The following C2CD3 variants were observed in gnomAD, a reference collection of about 807,000 sequenced individuals.
The protein encoded by C2CD3 is C2 domain-containing protein 3.
Under a neutral mutation model 234.0 loss-of-function variants are expected in C2CD3, and 148 were observed. The ratio of observed to expected loss-of-function variants is 0.63; its 90% confidence interval spans 0.55 to 0.72. The LOEUF (loss-of-function observed/expected upper bound fraction) is 0.72, where lower values mean the gene tolerates loss of function less well. C2CD3 is among the 30% of genes least tolerant of loss of function. The probability of loss-of-function intolerance (pLI) is 0.00; values close to 1 mark genes in which losing one functional copy is unlikely to be tolerated. For missense variants in C2CD3, 2,577 were observed against 2,811.5 expected, an observed-to-expected ratio of 0.92 and a Z score of 1.89; for synonymous variants, 1,000 against 1,035.4, an observed-to-expected ratio of 0.97 and a Z score of 0.66.
At chr11:74,081,594 T>C (rs1488834059) in intron 22 of C2CD3, among the ~76,000 whole-genome samples, 1 of 144,996 alleles carries the variant, frequency 6.9e-6, no homozygotes, top group Non-Finnish European at 1.5e-5. Flanking sequence ...TAATGGATAT[T>C]GCCATATTCT....
intron 11 of C2CD3, among the ~76,000 whole-genome samples, chr11:74,109,972 T>G (rs1038774036): frequency 2.0e-5 from 3 of 146,392 alleles, no homozygotes; most frequent in African/African-American, 7.9e-5. Context: ...TCCCAGCTAC[T>G]TGGGAGGCTA....
chr11:74,033,320 C>A (rs1344720056), intron 31 of C2CD3, 31 bp downstream of exon 31: 1 of 1,527,376 alleles, frequency 6.5e-7, no homozygotes, highest in East Asian at 2.5e-5. Context: ...TACCTGCATC[C>A]AAACCACTTG....
At position 74,019,324 on chromosome 11, in the gene C2CD3, GC is replaced by G. The variant is rs60384198; in HGVS notation, c.6922-5800del. Among the ~76,000 whole-genome samples the G allele has an allele frequency of 3.4e-3, 517 of 152,302 alleles. 4 individuals carry two copies. The highest frequency in any genetic ancestry group is 0.012 in the African/African-American group (490 of 41,548). On this transcript the variant is annotated intron_variant, in intron 32 of 32. Coordinates refer to ENST00000334126, the MANE Select transcript of C2CD3 (RefSeq NM_001286577.2). ...TGCAGTCTGGGCCAGGGTGGCGCCA[GC>G]CAATTTTGGCTGTTTCTCCTGACCT...
intron 22 of C2CD3, 103 bp from the exon 23 acceptor site, chr11:74,078,820 C>A (rs1211319148): frequency 3.4e-5 from 38 of 1,119,454 alleles, no homozygotes; most frequent in Non-Finnish European, 4.7e-5. Flanking sequence ...TGGCTCAAGA[C>A]AGAACAGAAA....
chr11:74,151,145 C>T (rs183854810), intron 3 of C2CD3, among the ~76,000 whole-genome samples: 3 of 152,060 alleles, frequency 2.0e-5, no homozygotes, highest in Non-Finnish European at 4.4e-5. Context: ...AGGCTGATCT[C>T]GAACTCCTGA....
intron 7 of C2CD3, among the ~76,000 whole-genome samples, chr11:74,132,419 T>C (rs954019414): frequency 6.6e-6 from 1 of 152,218 alleles, no homozygotes; most frequent in Non-Finnish European, 1.5e-5. Flanking sequence ...CTCCTCTATA[T>C]ACATCATTTT....
At chr11:74,072,679 A>G (rs1216833991) in intron 24 of C2CD3, among the ~76,000 whole-genome samples, 1 of 151,680 alleles carries the variant, frequency 6.6e-6, no homozygotes, top group East Asian at 1.9e-4. Context: ...TATTCCTACT[A>G]GAATGTAATC....
intron 32 of C2CD3, among the ~76,000 whole-genome samples, chr11:74,025,129 CA>C (rs1952237364): frequency 6.6e-6 from 1 of 151,810 alleles, no homozygotes; most frequent in Admixed American, 6.6e-5. Context: ...TTTAATAGAC[CA>C]AAGACATACA....
At chr11:74,112,153 T>C (rs1956773791) in intron 11 of C2CD3, among the ~76,000 whole-genome samples, 2 of 152,190 alleles carry the variant, frequency 1.3e-5, no homozygotes, top group Non-Finnish European at 2.9e-5. Flanking sequence ...CGTGTTACTA[T>C]GCTGTAAAGG....
intron 3 of C2CD3, 22 bp from the exon 4 acceptor site, chr11:74,139,850 T>A: frequency 1.4e-6 from 2 of 1,462,872 alleles, no homozygotes; most frequent in Non-Finnish European, 1.9e-6. Flanking sequence ...AGGTAGTATA[T>A]GAGAAATTTT....
chr11:74,145,927 C>T (rs1392067369), intron 3 of C2CD3, among the ~76,000 whole-genome samples: 2 of 152,136 alleles, frequency 1.3e-5, no homozygotes, highest in South Asian at 2.1e-4. Context: ...AAATAAAATG[C>T]TTTAAATTTG....
chr11:74,016,096 G>A (rs1363502631), intron 32 of C2CD3, among the ~76,000 whole-genome samples: 1 of 151,996 alleles, frequency 6.6e-6, no homozygotes, highest in Non-Finnish European at 1.5e-5. Context: ...CACCTCTGTT[G>A]GTGACTCATC....
At chr11:74,108,911 T>C (rs543296639) in intron 12 of C2CD3, 123 bp downstream of exon 12, 20 of 464,800 alleles carry the variant, frequency 4.3e-5, no homozygotes, top group Middle Eastern at 6.1e-4. Context: ...ATAATAATAA[T>C]AACAATGGAT....
intron 3 of C2CD3, among the ~76,000 whole-genome samples, chr11:74,144,458 T>A (rs1030698568): frequency 3.9e-5 from 6 of 152,138 alleles, no homozygotes; most frequent in African/African-American, 7.2e-5. Flanking sequence ...TTTAAAAAAA[T>A]TTTAATTTTA....
At chr11:74,046,068 C>T (rs1953358889) in intron 28 of C2CD3, among the ~76,000 whole-genome samples, 1 of 152,104 alleles carries the variant, frequency 6.6e-6, no homozygotes, top group Admixed American at 6.5e-5. Flanking sequence ...AGAACCACTG[C>T]TTTATTAATG....
In C2CD3 at chr11:74,100,715, T is replaced by C. The variant is rs368927535; in HGVS notation, c.2581-39A>G. The C allele has an allele frequency of 8.5e-6, 13 of 1,527,526 alleles. 1 individual carries two copies. Among genetic ancestry groups the C allele is most frequent in the Non-Finnish European group, 1.1e-5 (12 of 1,123,776 alleles). 94.6% of individuals were successfully genotyped at this position (1,527,526 alleles called of 1,614,324 possible). ...ACAACCAAAACAAACAAAAAACTCA[T>C]ACCTGAGACAAATATTAATTTATAC... On this transcript the variant is annotated intron_variant, in intron 14 of 32. Transcript: ENST00000334126.
Position 74,033,455 on chromosome 11 carries a change from C to A in C2CD3, c.6705G>T (p.Gln2235His). ...FKKLPLNLAS[Q>H]SRRENHKGPP... is the part of the protein sequence containing the mutation. The stretch of plus-strand genomic sequence containing the variant: ...GTCCCTTATGGTTTTCCCTTCTGCT[C>A]TGGGAGGCTAGATTTAGCGGCAACT... Residue 2235 changes from glutamine (Q) to histidine (H), a missense_variant, in exon 31 of 33, where the codon CAG becomes CAT. By Grantham distance (24) the Gln-to-His change is conservative. Transcript: ENST00000334126. The A allele has an allele frequency of 6.5e-7, 1 of 1,536,180 alleles. No homozygotes were observed.
At chr11:74,090,785 G>C in intron 20 of C2CD3, 28 bp downstream of exon 20, 1 of 1,613,676 alleles carries the variant, frequency 6.2e-7, no homozygotes, top group Non-Finnish European at 8.5e-7. Flanking sequence ...TAAAAGGCTT[G>C]AGAATTGCTT....
At chr11:74,100,979 G>A (rs1956293932) in intron 14 of C2CD3, among the ~76,000 whole-genome samples, 2 of 152,148 alleles carry the variant, frequency 1.3e-5, no homozygotes, top group Admixed American at 6.5e-5. Context: ...TGCCAAACTC[G>A]TCCAACCCTT....
Sources: allele counts gnomAD v4.1 joint callset (sites outside exome capture counted in the v4.1 genomes callset), GRCh38; gene constraint gnomAD v4.1.1; transcripts MANE v1.5; gene names NCBI Gene and HGNC (gene_info 2026-07-23, HGNC 2026-07-21).